FAF1: variants seen among roughly 807,000 people sequenced by gnomAD.
The protein encoded by FAF1 is FAS-associated factor 1.
Under a neutral mutation model 92.5 loss-of-function variants are expected in FAF1, and 25 were observed. That is an observed-to-expected ratio of 0.27 (90% CI 0.20 to 0.38). The LOEUF (loss-of-function observed/expected upper bound fraction) is 0.38. Ranked by LOEUF, FAF1 falls within the 10% of genes least tolerant of loss-of-function variation. The pLI, the probability that FAF1 is intolerant of heterozygous loss-of-function variation, is 1.00. For missense variants in FAF1, 636 were observed against 793.3 expected (o/e 0.80, Z 2.38); for synonymous variants, 234 against 273.2 (o/e 0.86, Z 1.42).
intron 12 of FAF1, among the ~76,000 whole-genome samples, chr1:50,574,596 C>T (rs1650622977): frequency 6.6e-6 from 1 of 152,122 alleles, no homozygotes; most frequent in South Asian, 2.1e-4. Context: ...GTACTCCTCG[C>T]CCCCACTTTT....
At chr1:50,522,161 A>C (rs1465128354) in intron 15 of FAF1, among the ~76,000 whole-genome samples, 5 of 152,206 alleles carry the variant, frequency 3.3e-5, no homozygotes, top group Non-Finnish European at 7.3e-5. Flanking sequence ...GAATATGGCA[A>C]TGTCTCATCT....
At chr1:50,953,368 G>GA (rs1048243549) in intron 1 of FAF1, among the ~76,000 whole-genome samples, 185 of 151,008 alleles carry the variant, frequency 1.2e-3, no homozygotes, top group African/African-American at 4.3e-3. Context: ...CCCTCTCCGA[G>GA]AAACACCCAA....
chr1:50,700,155 T>C (rs905151585), intron 7 of FAF1, among the ~76,000 whole-genome samples: 2 of 152,128 alleles, frequency 1.3e-5, no homozygotes, highest in Non-Finnish European at 2.9e-5. Flanking sequence ...ACCCCCCTTT[T>C]TTTTTTTATT....
At chr1:50,732,811 A>T (rs1419325074) in intron 6 of FAF1, among the ~76,000 whole-genome samples, 2 of 150,342 alleles carry the variant, frequency 1.3e-5, no homozygotes, top group African/African-American at 4.9e-5. Context: ...TTTCTGTTTC[A>T]GTTTCAAATT....
At chr1:50,566,929 T>G (rs905836544) in intron 13 of FAF1, 148 bp downstream of exon 13, 6 of 496,534 alleles carry the variant, frequency 1.2e-5, no homozygotes, top group African/African-American at 9.8e-5. Flanking sequence ...TAACTGCATG[T>G]GTTAGCTGCA....
intron 8 of FAF1, among the ~76,000 whole-genome samples, chr1:50,598,571 A>G (rs1023253494): frequency 2.0e-5 from 3 of 152,118 alleles, no homozygotes; most frequent in African/African-American, 7.2e-5. Flanking sequence ...TACACTTGCT[A>G]CATAGTAGAT....
At chr1:50,695,099 A>G (rs1043097276) in intron 7 of FAF1, among the ~76,000 whole-genome samples, 3 of 152,144 alleles carry the variant, frequency 2.0e-5, no homozygotes, top group Admixed American at 6.5e-5. Flanking sequence ...TAGATTCTTA[A>G]CTTTCCTAAA....
At chr1:50,490,771 G>A (rs1646830055) in intron 16 of FAF1, 106 bp from the exon 17 acceptor site, 2 of 763,606 alleles carry the variant, frequency 2.6e-6, no homozygotes, top group Non-Finnish European at 4.6e-6. Flanking sequence ...AAGAGTATGT[G>A]ACATTCAAAG....
At chr1:50,691,037 A>G (rs1244420684) in intron 7 of FAF1, among the ~76,000 whole-genome samples, 1 of 152,206 alleles carries the variant, frequency 6.6e-6, no homozygotes, top group Non-Finnish European at 1.5e-5. Context: ...AAACATTCAC[A>G]TACACATTTT....
At chr1:50,768,902 C>T (rs1334837963) in intron 4 of FAF1, among the ~76,000 whole-genome samples, 1 of 151,746 alleles carries the variant, frequency 6.6e-6, no homozygotes, top group Non-Finnish European at 1.5e-5. Context: ...AAGAAGAAAC[C>T]AATTACAAAG....
At chr1:50,490,460 G>GAAGGAAGA in intron 17 of FAF1, 128 bp downstream of exon 17, 2 of 530,206 alleles carry the variant, frequency 3.8e-6, no homozygotes, top group South Asian at 2.0e-5. Context: ...AGGAAGGAAG[G>GAAGGAAGA]AAAAAGAAAG....
chr1:50,590,752 C>T (rs11205737), intron 9 of FAF1, among the ~76,000 whole-genome samples: 4,837 of 151,990 alleles, frequency 0.032, 267 homozygotes, highest in African/African-American at 0.11. Context: ...GAGGCTGAGG[C>T]GGATAGATCA....
intron 2 of FAF1, among the ~76,000 whole-genome samples, chr1:50,842,648 C>T (rs1316867644): frequency 2.0e-5 from 3 of 152,042 alleles, no homozygotes; most frequent in Non-Finnish European, 4.4e-5. Flanking sequence ...TTGCTCTCAC[C>T]TCAGGGCCTT....
At chr1:50,579,694 C>G (rs1442246661) in intron 12 of FAF1, among the ~76,000 whole-genome samples, 1 of 152,054 alleles carries the variant, frequency 6.6e-6, no homozygotes, top group Non-Finnish European at 1.5e-5. Context: ...AACAATCACA[C>G]AAATCCAGAA....
At chr1:50,917,624 A>AAGGAAAGGAAAGGAAAGGAAAGG (rs755873261) in intron 1 of FAF1, among the ~76,000 whole-genome samples, 1 of 72,248 alleles carries the variant, frequency 1.4e-5, no homozygotes. Flanking sequence ...AGGGAAAGGA[A>AAGGAAAGGAAAGGAAAGGAAAGG]AAAGGAAAGG....
At position 50,439,916 on chromosome 1, in the gene FAF1, C is replaced by T. The variant is rs1365759256; in HGVS notation, c.*1524G>A. The T allele has an allele frequency of 6.6e-6, 1 of 152,208 alleles. No individual in the cohort carries two copies. Among genetic ancestry groups the T allele is most frequent in the Non-Finnish European group, 1.5e-5 (1 of 68,044 alleles). The allele number at this position is 152,208 out of a possible 1,614,324, so 9.4% of individuals were successfully genotyped here. A position where few individuals can be genotyped will look rare whatever the true frequency, so the allele number is the denominator to read the frequency against. On this transcript the variant is annotated 3_prime_UTR_variant, in exon 19 of 19. Transcript: ENST00000396153. ...ATACCTAGGCAGATGTAGCACTAGT[C>T]TGTGCTAGATAGTAATCTGGAGAGG...
chr1:50,926,268 C>G (rs1353179881), intron 1 of FAF1, among the ~76,000 whole-genome samples: 1 of 152,014 alleles, frequency 6.6e-6, no homozygotes, highest in Non-Finnish European at 1.5e-5. Context: ...TAATGAAATC[C>G]TATCACTTGC....
At chr1:50,674,798 T>G (rs970916672) in intron 7 of FAF1, among the ~76,000 whole-genome samples, 18 of 152,192 alleles carry the variant, frequency 1.2e-4, no homozygotes, top group Non-Finnish European at 2.4e-4. Context: ...ATACTCTATA[T>G]TGAAAAAGAA....
At chr1:50,882,538 G>A (rs1557572840) in intron 1 of FAF1, among the ~76,000 whole-genome samples, 1 of 151,816 alleles carries the variant, frequency 6.6e-6, no homozygotes, top group Non-Finnish European at 1.5e-5. Flanking sequence ...AGAGGCAGAG[G>A]TTGTGGTCAG....
Sources: gnomAD v4.1 joint callset for allele counts (sites outside exome capture counted in the v4.1 genomes callset) on GRCh38, gnomAD v4.1.1 for gene constraint, MANE v1.5 for transcripts, NCBI Gene and HGNC (gene_info 2026-07-23, HGNC 2026-07-21) for gene names.